The following RNF6 variants were observed in gnomAD, a reference collection of about 807,000 sequenced individuals.
RNF6 encodes E3 ubiquitin-protein ligase RNF6.
Under a neutral mutation model 50.1 loss-of-function variants are expected in RNF6, and 21 were observed. That is an observed-to-expected ratio of 0.42 (90% CI 0.30 to 0.60). The LOEUF (loss-of-function observed/expected upper bound fraction) is 0.60. Among genes scored for constraint, RNF6 ranks in the 20% least tolerant of loss-of-function variants. The pLI, the probability that RNF6 is intolerant of heterozygous loss-of-function variation, is 0.20. For synonymous variants in RNF6, 255 were observed against 291.8 expected (o/e 0.87, Z 1.29); for missense variants, 698 against 838.2 (o/e 0.83, Z 2.07).
intron 5 of RNF6, among the ~76,000 whole-genome samples, chr13:26,187,206 T>C (rs562058497): frequency 4.1e-5 from 6 of 146,900 alleles, no homozygotes; most frequent in Admixed American, 3.4e-4. Context: ...TGGGCGCCTC[T>C]GCTCCTGGCT....
intron 5 of RNF6, among the ~76,000 whole-genome samples, chr13:26,136,837 G>C (rs1186302823): frequency 1.3e-5 from 2 of 151,950 alleles, no homozygotes; most frequent in Non-Finnish European, 2.9e-5. Flanking sequence ...GAGAAAACTG[G>C]CAAAAGTCAT....
At chr13:26,176,294 T>A (rs1379932395) in intron 5 of RNF6, among the ~76,000 whole-genome samples, 1 of 152,132 alleles carries the variant, frequency 6.6e-6, no homozygotes, top group Non-Finnish European at 1.5e-5. Context: ...TCTCTTCTCT[T>A]TTTTTTAGAG....
chr13:26,196,923 TATG>T (rs1445293293), intron 5 of RNF6, among the ~76,000 whole-genome samples: 5 of 151,996 alleles, frequency 3.3e-5, no homozygotes, highest in African/African-American at 4.8e-5. Flanking sequence ...AAATCAAAGA[TATG>T]ATAACACAAA....
In RNF6 at chr13:26,215,047, G is replaced by A. The variant is rs1161803612; in HGVS notation, c.835C>T (p.His279Tyr). 1 of 1,614,200 alleles carries A rather than the reference G, an allele frequency of 6.2e-7. No homozygotes were observed. Among genetic ancestry groups the A allele is most frequent in the Admixed American group, 1.7e-5 (1 of 60,018 alleles). The change falls in exon 5 of 5, where the codon CAT (histidine) becomes TAT (tyrosine). Residue 279 changes from histidine to tyrosine, a missense_variant. His to Tyr is a moderately conservative substitution (Grantham distance 83, BLOSUM62 2). Transcript: ENST00000381588. ...CTTCTAGCCCCATTTTCCCAAACAT[G>A]TGCTGCTCCAAACCGTTGCCCCTCC... ...QREGQRFGAA[H>Y]VWENGARSNV...
intron 5 of RNF6, among the ~76,000 whole-genome samples, chr13:26,200,034 A>G (rs79041288): frequency 0.061 from 9,250 of 152,158 alleles, 905 homozygotes; most frequent in African/African-American, 0.21. Flanking sequence ...GAAGACAGCC[A>G]TCTATGAACC....
chr13:26,142,228 A>G (rs1266323905), intron 5 of RNF6: 7 of 152,216 alleles, frequency 4.6e-5, no homozygotes, highest in Non-Finnish European at 1.0e-4. Flanking sequence ...TCAAAAAACA[A>G]CAGATGTTGG....
intron 1 of RNF6, 144 bp downstream of exon 1, chr13:26,221,859 A>G (rs1870543584): frequency 6.6e-6 from 1 of 152,280 alleles, no homozygotes; most frequent in African/African-American, 2.4e-5. Context: ...TAGACGGTGC[A>G]TCCCAACCAA....
At chr13:26,203,951 TCAAACAAA>T (rs199725066) in intron 5 of RNF6, among the ~76,000 whole-genome samples, 1,730 of 151,944 alleles carry the variant, frequency 0.011, 67 homozygotes, top group East Asian at 0.1. Flanking sequence ...AGACTCGGTC[TCAAACAAA>T]CAAACAAACA....
At chr13:26,156,187 A>G (rs1035906530) in intron 5 of RNF6, among the ~76,000 whole-genome samples, 2 of 152,228 alleles carry the variant, frequency 1.3e-5, no homozygotes, top group Non-Finnish European at 2.9e-5. Flanking sequence ...AATTAGAAAG[A>G]GAAAGAAATA....
intron 5 of RNF6, among the ~76,000 whole-genome samples, chr13:26,184,930 A>C (rs372234681): frequency 2.6e-5 from 4 of 152,260 alleles, no homozygotes; most frequent in South Asian, 2.1e-4. Flanking sequence ...CTACCTAGTG[A>C]GCTCCAAAGT....
chr13:26,172,509 A>C (rs1274172105), intron 5 of RNF6, among the ~76,000 whole-genome samples: 4 of 152,088 alleles, frequency 2.6e-5, no homozygotes, highest in Non-Finnish European at 5.9e-5. Context: ...ACAGCAAGAT[A>C]AATTTTAAAA....
chr13:26,211,073 G>T (rs1287318161), downstream of RNF6, among the ~76,000 whole-genome samples: 3 of 152,170 alleles, frequency 2.0e-5, no homozygotes, highest in Non-Finnish European at 4.4e-5. Flanking sequence ...ACCACAAAGG[G>T]TATAATCATT....
chr13:26,145,998 A>G (rs1214142995), intron 5 of RNF6, among the ~76,000 whole-genome samples: 1 of 152,184 alleles, frequency 6.6e-6, no homozygotes, highest in East Asian at 1.9e-4. Context: ...AACTCCATTG[A>G]TCACCTGACC....
chr13:26,194,947 T>C (rs1177695504), intron 5 of RNF6, among the ~76,000 whole-genome samples: 1 of 152,206 alleles, frequency 6.6e-6, no homozygotes, highest in Admixed American at 6.5e-5. Flanking sequence ...GACTCAAATG[T>C]TAATCTCCTT....
At chr13:26,152,415 C>T (rs966780670) in intron 5 of RNF6, among the ~76,000 whole-genome samples, 1 of 152,174 alleles carries the variant, frequency 6.6e-6, no homozygotes. Flanking sequence ...TAAATGTCAC[C>T]TCTTTTCAGT....
intron 5 of RNF6, among the ~76,000 whole-genome samples, chr13:26,158,875 C>T (rs1337984895): frequency 6.6e-6 from 1 of 152,072 alleles, no homozygotes; most frequent in African/African-American, 2.4e-5. Flanking sequence ...AGCTGAATTC[C>T]TATTTGAACT....
At chr13:26,174,612 A>C (rs1872864767) in intron 5 of RNF6, among the ~76,000 whole-genome samples, 1 of 151,876 alleles carries the variant, frequency 6.6e-6, no homozygotes, top group African/African-American at 2.4e-5. Context: ...CAAAAAAAAG[A>C]AAACAAACCC....
chr13:26,190,223 G>A (rs966992331), intron 5 of RNF6, among the ~76,000 whole-genome samples: 3 of 152,164 alleles, frequency 2.0e-5, no homozygotes, highest in Non-Finnish European at 4.4e-5. Context: ...GCAGGGAAAG[G>A]TTCTCTGAGG....
chr13:26,191,233 T>TTTTTTTTTTTTTTTTTTTTTGGAGA (rs1203541392), intron 5 of RNF6, among the ~76,000 whole-genome samples: 1 of 152,132 alleles, frequency 6.6e-6, no homozygotes, highest in African/African-American at 2.4e-5. Context: ...GACATTCTTA[T>TTTTTTTTTTTTTTTTTTTTTGGAGA]CTCCAACCAT....
Sources: allele counts gnomAD v4.1 joint callset (sites outside exome capture counted in the v4.1 genomes callset), GRCh38; gene constraint gnomAD v4.1.1; transcripts MANE v1.5; gene names NCBI Gene and HGNC (gene_info 2026-07-23, HGNC 2026-07-21).